The following AP2A2 variants were observed in gnomAD, a reference collection of about 807,000 sequenced individuals.
AP2A2 encodes the protein adaptor related protein complex 2 subunit alpha 2.
AP2A2 carries 32 observed loss-of-function variants against 104.2 expected under a neutral mutation model. That is an observed-to-expected ratio of 0.31 (90% CI 0.23 to 0.41). The LOEUF is 0.41. Among genes scored for constraint, AP2A2 ranks in the 10% least tolerant of loss-of-function variants. The probability of loss-of-function intolerance (pLI) is 1.00; values close to 1 mark genes in which losing one functional copy is unlikely to be tolerated. For missense variants in AP2A2, 912 were observed against 1,261.0 expected (o/e 0.72, Z 4.19); for synonymous variants, 539 against 533.3 (o/e 1.01, Z -0.15).
At chr11:971,986 A>C in intron 3 of AP2A2, 76 bp from the exon 4 acceptor site, 1 of 1,415,156 alleles carries the variant, frequency 7.1e-7, no homozygotes, top group Non-Finnish European at 9.6e-7. Flanking sequence ...TGTGTCACTG[A>C]TTGTTGGGTG....
At position 1,006,270 on chromosome 11, in the gene AP2A2, C is replaced by T. The variant is rs975842254; in HGVS notation, c.2207-258C>T. ...ATCTCACCCATCCCGTGTGGGTGCG[C>T]AGGAGGGGCCGAGGGAGGAGGGTGC... On this transcript the variant is annotated intron_variant, in intron 16 of 21. Transcript: ENST00000448903. Among the ~76,000 whole-genome samples the T allele has an allele frequency of 9.2e-5, 14 of 152,314 alleles. No individual in the cohort carries two copies. The East Asian group carries it at 2.7e-3, about 29-fold the overall frequency.
At chr11:962,460 G>A (rs901359720) in intron 2 of AP2A2, among the ~76,000 whole-genome samples, 7 of 152,316 alleles carry the variant, frequency 4.6e-5, no homozygotes, top group South Asian at 4.1e-4. Flanking sequence ...CTGGCCAGGC[G>A]TGGTGGCTCA....
intron 1 of AP2A2, among the ~76,000 whole-genome samples, chr11:943,612 G>T (rs1290402624): frequency 1.3e-5 from 2 of 152,224 alleles, no homozygotes; most frequent in Non-Finnish European, 2.9e-5. Context: ...TAGGTTGGAG[G>T]TGAGTGGAAG....
chr11:971,236 G>A (rs1176348671), intron 3 of AP2A2, among the ~76,000 whole-genome samples: 2 of 152,054 alleles, frequency 1.3e-5, no homozygotes, highest in African/African-American at 4.8e-5. Flanking sequence ...GAAGTTGAAA[G>A]GATTTGAGAG....
intron 14 of AP2A2, among the ~76,000 whole-genome samples, 156 bp from the exon 15 acceptor site, chr11:1,000,276 C>A (rs1855987869): frequency 6.6e-6 from 1 of 152,236 alleles, no homozygotes; most frequent in Non-Finnish European, 1.5e-5. Context: ...CCCTCACTCT[C>A]TGGTCACTCA....
intron 9 of AP2A2, among the ~76,000 whole-genome samples, chr11:987,491 T>C (rs1163620840): frequency 1.3e-5 from 2 of 150,898 alleles, no homozygotes; most frequent in Non-Finnish European, 3.0e-5. Context: ...TTACTAAAAA[T>C]GCAAAAAAAA....
intron 2 of AP2A2, among the ~76,000 whole-genome samples, chr11:964,579 C>T (rs762245282): frequency 2.6e-5 from 4 of 152,142 alleles, no homozygotes; most frequent in African/African-American, 4.8e-5. Context: ...AGGCTGAAGT[C>T]GGTTTGGCCA....
At chr11:965,565 C>G (rs1233576736) in intron 2 of AP2A2, among the ~76,000 whole-genome samples, 1 of 152,220 alleles carries the variant, frequency 6.6e-6, no homozygotes, top group African/African-American at 2.4e-5. Context: ...GGAGTCTCCC[C>G]TCTGGGCTCT....
At chr11:998,714 G>A (rs758679580) in intron 14 of AP2A2, among the ~76,000 whole-genome samples, 5 of 152,006 alleles carry the variant, frequency 3.3e-5, no homozygotes, top group Non-Finnish European at 5.9e-5. Flanking sequence ...AGCCCCTGGT[G>A]TATAGTGTCA....
rs143942786 is a variant in AP2A2, at chr11:927,135, C to T, written c.67+1047C>T. ...AGGCTGGAGCGCAGTAGTTCCATCACGGCGCACTCAACCTCCCACCTCAAG... is the reference window on the plus strand; with the variant it reads ...AGGCTGGAGCGCAGTAGTTCCATCATGGCGCACTCAACCTCCCACCTCAAG... On this transcript the variant is annotated intron_variant, in intron 1 of 21. Coordinates refer to ENST00000448903, the MANE Select transcript of AP2A2 (RefSeq NM_012305.4). Among the ~76,000 whole-genome samples, 7 of 152,208 alleles carry T rather than the reference C, an allele frequency of 4.6e-5. No homozygotes were observed. The East Asian group carries it at 1.4e-3, about 29-fold the overall frequency.
intron 4 of AP2A2, among the ~76,000 whole-genome samples, chr11:973,975 G>A (rs538967268): frequency 6.6e-6 from 1 of 152,366 alleles, no homozygotes; most frequent in South Asian, 2.1e-4. Flanking sequence ...CCTGAGGCAC[G>A]TGCAGATTGA....
chr11:997,644 C>A (rs1263933780), intron 14 of AP2A2, among the ~76,000 whole-genome samples: 1 of 152,232 alleles, frequency 6.6e-6, no homozygotes. Flanking sequence ...GTGGCTCACA[C>A]CTGTAATCCC....
chr11:970,988 T>G (rs1854809047), intron 3 of AP2A2, among the ~76,000 whole-genome samples: 1 of 152,258 alleles, frequency 6.6e-6, no homozygotes, highest in Non-Finnish European at 1.5e-5. Flanking sequence ...ATGTTTTCCC[T>G]GGTGGTATAA....
At position 994,120 on chromosome 11, in the gene AP2A2, A is replaced by C; in HGVS notation, c.1831A>C (p.Ile611Leu). Residue 611 changes from isoleucine to leucine, a missense_variant, in exon 14 of 22, where the codon ATC (isoleucine) becomes CTC (leucine). Transcript: ENST00000448903. ...CCCATTCCCGGAGCGGGAGTCCTCC[A>C]TCTTGGCAAAGCTCAAGAAGAAGAA... ...MPPFPERESS[I>L]LAKLKKKKGP... 2.5e-6 allele frequency: 4 copies of C among 1,613,058 alleles called. No homozygotes were observed. The highest frequency in any genetic ancestry group is 3.4e-6 in the Non-Finnish European group (4 of 1,179,834).
At chr11:956,214 A>G (rs1167186227) in intron 1 of AP2A2, among the ~76,000 whole-genome samples, 1 of 151,900 alleles carries the variant, frequency 6.6e-6, no homozygotes, top group Non-Finnish European at 1.5e-5. Context: ...TGGGGATGGA[A>G]TCTTGCTCTG....
intron 1 of AP2A2, among the ~76,000 whole-genome samples, chr11:941,957 C>T (rs1853664244): frequency 5.9e-5 from 9 of 151,626 alleles, no homozygotes; most frequent in Admixed American, 4.6e-4. Context: ...GATGGAGTCT[C>T]GCTCTGTCAC....
chr11:969,516 G>A (rs576372907), intron 2 of AP2A2, among the ~76,000 whole-genome samples: 4 of 152,150 alleles, frequency 2.6e-5, no homozygotes, highest in African/African-American at 7.2e-5. Flanking sequence ...GTGAGCCACC[G>A]TGCCGGGCCC....
intron 15 of AP2A2, among the ~76,000 whole-genome samples, chr11:1,002,069 A>G (rs1406542150): frequency 6.6e-6 from 1 of 152,150 alleles, no homozygotes; most frequent in Non-Finnish European, 1.5e-5. Flanking sequence ...CATTTTCCCC[A>G]AAGATTCCTC....
chr11:950,152 T>C lies in AP2A2; in HGVS notation c.68-9285T>C, dbSNP rs570367448. On this transcript the variant is annotated intron_variant, in intron 1 of 21. Transcript: ENST00000448903. ...AAGAATAGTCTTAAACAAATGGTGC[T>C]GGGATGACTGAATCTCCATGTAAAA... is the stretch of plus-strand genomic sequence containing the variant. 4.5e-4 allele frequency among the ~76,000 whole-genome samples: 69 copies of C among 152,228 alleles called. No individual in the cohort carries two copies. The Middle Eastern group carries it at 0.014, about 30-fold the overall frequency.
Sources: gnomAD v4.1 joint callset for allele counts (sites outside exome capture counted in the v4.1 genomes callset) on GRCh38, gnomAD v4.1.1 for gene constraint, MANE v1.5 for transcripts, NCBI Gene and HGNC (gene_info 2026-07-23, HGNC 2026-07-21) for gene names.